The following RFX3 variants were observed in gnomAD, a reference collection of about 807,000 sequenced individuals.
RFX3 encodes regulatory factor X3, also known as transcription factor RFX3.
RFX3 carries 14 observed loss-of-function variants against 98.6 expected under a neutral mutation model. That is an observed-to-expected ratio of 0.14 (90% confidence interval 0.09 to 0.22). RFX3 has a LOEUF of 0.22. Among genes scored for constraint, RFX3 ranks in the 10% least tolerant of loss-of-function variants. The pLI is 1.00. For missense variants in RFX3, 639 were observed against 926.9 expected (o/e 0.69, Z 4.03); for synonymous variants, 383 against 328.4 (o/e 1.17, Z -1.80).
chr9:3,251,593 C>G (rs1416379645), intron 14 of RFX3, among the ~76,000 whole-genome samples: 2 of 151,644 alleles, frequency 1.3e-5, no homozygotes, highest in Non-Finnish European at 2.9e-5. Flanking sequence ...TCAGCCTCCC[C>G]CAAATAGCTG....
intron 4 of RFX3, among the ~76,000 whole-genome samples, chr9:3,312,120 T>C (rs1056979998): frequency 1.3e-5 from 2 of 152,230 alleles, no homozygotes; most frequent in African/African-American, 2.4e-5. Context: ...CAGAGTTAAC[T>C]GCACACAGTA....
chr9:3,429,178 A>G (rs1224633355), intron 1 of RFX3, among the ~76,000 whole-genome samples: 3 of 150,830 alleles, frequency 2.0e-5, no homozygotes, highest in South Asian at 4.2e-4. Context: ...GCCCGCCAAC[A>G]CGTCCGGCTA....
At chr9:3,456,467 C>T (rs1847161963) in intron 1 of RFX3, among the ~76,000 whole-genome samples, 1 of 152,142 alleles carries the variant, frequency 6.6e-6, no homozygotes, top group Non-Finnish European at 1.5e-5. Flanking sequence ...TTAGCTTTTG[C>T]TCCCAGCTTT....
intron 1 of RFX3, among the ~76,000 whole-genome samples, chr9:3,460,613 T>C (rs914616218): frequency 3.3e-5 from 5 of 151,982 alleles, no homozygotes; most frequent in African/African-American, 1.2e-4. Flanking sequence ...TAAAACCTTA[T>C]TCATGTCACT....
chr9:3,270,529 G>C lies in RFX3; in HGVS notation c.1203-4C>G, dbSNP rs1318785141. The C allele has an allele frequency of 6.2e-7, 1 of 1,610,138 alleles. No individual in the cohort carries two copies. The highest frequency in any genetic ancestry group is 2.2e-5 in the East Asian group (1 of 44,822). ...ACTTTCTATTTCACTCAGATTGCTG[G>C]TGTGAATAAATGTAGCAAATGAATA... On this transcript the variant is annotated splice_region_variant and splice_polypyrimidine_tract_variant and intron_variant, in intron 10 of 16. Transcript: ENST00000617270.
At position 3,354,908 on chromosome 9, in the gene RFX3, C is replaced by T. The variant is rs555623815; in HGVS notation, c.118-8144G>A. On this transcript the variant is annotated intron_variant, in intron 2 of 16. Coordinates refer to ENST00000617270, the MANE Select transcript of RFX3 (RefSeq NM_001282116.2). The stretch of plus-strand genomic sequence containing the variant: ...TGACTATGTAGAGCAAAAATAATAA[C>T]AATGCCTAGTGGGGCTTACAACATA... Among the ~76,000 whole-genome samples, 16 of 151,854 alleles carry T rather than the reference C, an allele frequency of 1.1e-4. No individual in the cohort carries two copies. In the South Asian group the frequency reaches 3.3e-3, roughly 32 times the overall value.
intron 13 of RFX3, among the ~76,000 whole-genome samples, chr9:3,259,161 GT>G (rs1037224360): frequency 6.6e-6 from 1 of 151,574 alleles, no homozygotes; most frequent in Non-Finnish European, 1.5e-5. Flanking sequence ...AGCAGGAGAG[GT>G]TTTTTTTGTT....
intron 3 of RFX3, among the ~76,000 whole-genome samples, chr9:3,338,119 A>C (rs997948202): frequency 2.0e-5 from 3 of 152,232 alleles, no homozygotes; most frequent in African/African-American, 7.2e-5. Flanking sequence ...GTACTTCAGA[A>C]AGGAATTCAA....
intron 2 of RFX3, among the ~76,000 whole-genome samples, chr9:3,366,689 CTTTCCTTTCTTTCTTTCTTTCT>C (rs1837136082): frequency 9.6e-6 from 1 of 104,662 alleles, no homozygotes; most frequent in African/African-American, 4.0e-5. Context: ...TTTCTTCTTT[CTTTCCTTTCTTTCTTTCTTTCT>C]TTCTTTCTTT....
chr9:3,272,264 A>C (rs506149), intron 9 of RFX3, among the ~76,000 whole-genome samples: 116,901 of 152,052 alleles, frequency 0.77, 47,299 homozygotes, highest in East Asian at 0.9. Context: ...GCAAAGGTAA[A>C]ACAGCCCCAC....
At chr9:3,264,370 G>A (rs1474521559) in intron 12 of RFX3, among the ~76,000 whole-genome samples, 5 of 152,056 alleles carry the variant, frequency 3.3e-5, no homozygotes, top group African/African-American at 4.8e-5. Flanking sequence ...TATAAGGTAC[G>A]AGCAGTTGAA....
intron 1 of RFX3, among the ~76,000 whole-genome samples, chr9:3,419,674 C>T (rs1344547498): frequency 6.6e-6 from 1 of 152,166 alleles, no homozygotes. Flanking sequence ...CTTCCAGGAT[C>T]CCCTGAGGAT....
chr9:3,345,205 G>C (rs1012854507), intron 3 of RFX3, among the ~76,000 whole-genome samples: 1 of 152,100 alleles, frequency 6.6e-6, no homozygotes, highest in African/African-American at 2.4e-5. Flanking sequence ...TGTCTATAAA[G>C]ATCACACTAG....
intron 1 of RFX3, among the ~76,000 whole-genome samples, chr9:3,494,977 A>G (rs1850999285): frequency 1.3e-5 from 2 of 152,048 alleles, no homozygotes; most frequent in African/African-American, 4.8e-5. Context: ...AGTCTGGACA[A>G]GTTTGGTAGT....
chr9:3,395,704 T>C (rs1443592637), intron 1 of RFX3, 108 bp from the exon 2 acceptor site: 1 of 1,131,798 alleles, frequency 8.8e-7, no homozygotes, highest in African/African-American at 1.5e-5. Context: ...TCAACTCTCA[T>C]ACCTCTTATC....
At chr9:3,235,753 T>C (rs1819062397) in intron 15 of RFX3, among the ~76,000 whole-genome samples, 1 of 152,144 alleles carries the variant, frequency 6.6e-6, no homozygotes, top group Non-Finnish European at 1.5e-5. Context: ...ACCTCTCTCT[T>C]CATGTTAGTA....
intron 15 of RFX3, among the ~76,000 whole-genome samples, chr9:3,236,862 G>C (rs1254718418): frequency 6.6e-6 from 1 of 152,188 alleles, no homozygotes; most frequent in Non-Finnish European, 1.5e-5. Context: ...ATGTAGGGGA[G>C]AAAATATGTA....
chr9:3,248,552 T>C (rs773147498), intron 14 of RFX3, among the ~76,000 whole-genome samples: 8 of 152,124 alleles, frequency 5.3e-5, no homozygotes, highest in Non-Finnish European at 1.0e-4. Context: ...TGAGTGAAAA[T>C]CCTATTGATG....
chr9:3,444,063 C>G (rs968510510), intron 1 of RFX3, among the ~76,000 whole-genome samples: 1 of 152,142 alleles, frequency 6.6e-6, no homozygotes, highest in Non-Finnish European at 1.5e-5. Flanking sequence ...ACCAATTCTA[C>G]TCCTAGGGAT....
Sources: allele counts gnomAD v4.1 joint callset (sites outside exome capture counted in the v4.1 genomes callset), GRCh38; gene constraint gnomAD v4.1.1; transcripts MANE v1.5; gene names NCBI Gene and HGNC (gene_info 2026-07-23, HGNC 2026-07-21).